Variants in PRKAA1 observed in about 807,000 individuals in gnomAD.
The protein encoded by PRKAA1 is 5'-AMP-activated protein kinase catalytic subunit alpha-1.
PRKAA1 carries 23 observed loss-of-function variants against 56.9 expected under a neutral mutation model. The ratio of observed to expected loss-of-function variants is 0.40; its 90% CI spans 0.29 to 0.57. The LOEUF (loss-of-function observed/expected upper bound fraction) is 0.57, where lower values mean the gene tolerates loss of function less well. PRKAA1 is among the 20% of genes least tolerant of loss of function. The probability of loss-of-function intolerance (pLI) is 0.39; values close to 1 mark genes in which losing one functional copy is unlikely to be tolerated. For synonymous variants in PRKAA1, 226 were observed against 227.0 expected (o/e 1.00, Z 0.04); for missense variants, 413 against 679.7 (o/e 0.61, Z 4.36).
chr5:40,775,009 A>T (rs760534316), intron 3 of PRKAA1: 7 of 1,459,500 alleles, frequency 4.8e-6, no homozygotes, highest in Non-Finnish European at 6.7e-6. Flanking sequence ...AAATGTGGCT[A>T]GAATTGACTA....
chr5:40,769,542 A>G (rs1743623368), intron 4 of PRKAA1, 39 bp from the exon 5 acceptor site: 12 of 1,452,596 alleles, frequency 8.3e-6, no homozygotes, highest in Non-Finnish European at 1.1e-5. Context: ...AAGATTTCCC[A>G]AAGACAAAAA....
rs1409390832 is a variant in PRKAA1 at position 40,759,570 on chromosome 5, T to G, written c.*3208A>C. ...TCAGAACTCACAATGGAAATAAAAT[T>G]TCTATTATGGGTGAGAAGATGAGGG... is the stretch of plus-strand genomic sequence containing the variant. On this transcript the variant is annotated 3_prime_UTR_variant, in exon 9 of 9. Transcript: ENST00000397128. 6.6e-6 allele frequency: 1 copy of G among 152,266 alleles called. No individual in the cohort carries two copies. Among genetic ancestry groups the G allele is most frequent in the African/African-American group, 2.4e-5 (1 of 41,438 alleles). 9.4% of individuals were successfully genotyped at this position (152,266 alleles called of 1,614,324 possible). A position where few individuals can be genotyped will look rare whatever the true frequency, so the allele number is the denominator to read the frequency against.
intron 1 of PRKAA1, among the ~76,000 whole-genome samples, chr5:40,781,591 G>A (rs1010722473): frequency 6.6e-6 from 1 of 152,072 alleles, no homozygotes; most frequent in Non-Finnish European, 1.5e-5. Flanking sequence ...ACTGGAAGAT[G>A]TAAGAAATTA....
intron 1 of PRKAA1, among the ~76,000 whole-genome samples, chr5:40,781,922 A>G (rs1043526445): frequency 3.9e-5 from 6 of 152,178 alleles, no homozygotes; most frequent in African/African-American, 1.4e-4. Flanking sequence ...TACTAATTAG[A>G]TGTGATTAAG....
chr5:40,775,275 G>A (rs1317068232), intron 3 of PRKAA1, 135 bp downstream of exon 3: 2 of 731,816 alleles, frequency 2.7e-6, no homozygotes, highest in Non-Finnish European at 4.7e-6. Flanking sequence ...CATAGTTTAT[G>A]ATTCTAAACA....
In PRKAA1 at chr5:40,760,495, A is replaced by G. The variant is rs1743136944; in HGVS notation, c.*2283T>C. On this transcript the variant is annotated 3_prime_UTR_variant, in exon 9 of 9. Coordinates refer to ENST00000397128, the MANE Select transcript of PRKAA1 (RefSeq NM_006251.6). ...TATACAAATTTGTAACTTTAAAAATACAGTCTTCTGTTAACATCAGGAACA... is the reference window on the plus strand; with the variant it reads ...TATACAAATTTGTAACTTTAAAAATGCAGTCTTCTGTTAACATCAGGAACA... The G allele has an allele frequency of 6.5e-6, 1 of 152,770 alleles. No homozygotes were observed. Among genetic ancestry groups the G allele is most frequent in the Non-Finnish European group, 1.5e-5 (1 of 68,008 alleles). 9.5% of individuals were successfully genotyped at this position (152,770 alleles called of 1,614,324 possible). A position where few individuals can be genotyped will look rare whatever the true frequency, so the allele number is the denominator to read the frequency against.
In PRKAA1 at chr5:40,761,121, T is replaced by C. The variant is rs571778582; in HGVS notation, c.*1657A>G. The C allele has an allele frequency of 6.6e-6, 1 of 152,142 alleles. No homozygotes were observed. Among genetic ancestry groups the C allele is most frequent in the Admixed American group, 6.6e-5 (1 of 15,264 alleles). The allele number at this position is 152,142 out of a possible 1,614,324, so 9.4% of individuals were successfully genotyped here. A position where few individuals can be genotyped will look rare whatever the true frequency, so the allele number is the denominator to read the frequency against. On this transcript the variant is annotated 3_prime_UTR_variant, in exon 9 of 9. Transcript: ENST00000397128. ...CAAATGTGACCACTTATTAATAGAA[T>C]TGATTTGTTCCATATTTTATCAAAA...
At chr5:40,786,920 T>C (rs368024045) in intron 1 of PRKAA1, among the ~76,000 whole-genome samples, 1 of 150,944 alleles carries the variant, frequency 6.6e-6, no homozygotes, top group East Asian at 2.0e-4. Flanking sequence ...ATCTCACCAC[T>C]GCACTCTGGC....
chr5:40,795,024 C>CACACACACACACAT (rs1290522169), intron 1 of PRKAA1, among the ~76,000 whole-genome samples: 1 of 152,000 alleles, frequency 6.6e-6, no homozygotes, highest in African/African-American at 2.4e-5. Flanking sequence ...CACACACACA[C>CACACACACACACAT]ACACACACAC....
intron 5 of PRKAA1, among the ~76,000 whole-genome samples, chr5:40,768,093 C>A (rs555079967): frequency 1.1e-4 from 16 of 152,272 alleles, no homozygotes; most frequent in African/African-American, 3.6e-4. Context: ...ACCCCTTACA[C>A]CAAGGTGAAA....
At chr5:40,774,232 T>C (rs1236442326) in intron 3 of PRKAA1, among the ~76,000 whole-genome samples, 1 of 151,998 alleles carries the variant, frequency 6.6e-6, no homozygotes, top group Non-Finnish European at 1.5e-5. Context: ...GGGCCATGCA[T>C]CAAAGACAAA....
intron 1 of PRKAA1, among the ~76,000 whole-genome samples, chr5:40,794,156 T>A (rs1197719660): frequency 2.0e-5 from 3 of 152,124 alleles, no homozygotes; most frequent in African/African-American, 7.2e-5. Context: ...ATCTATCTAC[T>A]GCTTTTTGAT....
intron 5 of PRKAA1, chr5:40,768,398 T>C (rs1579718246): frequency 4.4e-6 from 4 of 909,368 alleles, no homozygotes; most frequent in Non-Finnish European, 5.3e-6. Flanking sequence ...AGTTATAACA[T>C]TTCTTTTTAT....
rs1744845827 is a variant in PRKAA1, at chr5:40,794,522, TG to T, written c.127+3540del. 1.8e-4 allele frequency among the ~76,000 whole-genome samples: 23 copies of T among 129,260 alleles called. 9 individuals carry two copies. Among genetic ancestry groups the T allele is most frequent in the South Asian group, 1.2e-3 (5 of 4,054 alleles). The allele number at this position is 129,260 out of a possible 152,430, so 84.8% of individuals were successfully genotyped here. A position where few individuals can be genotyped will look rare whatever the true frequency, so the allele number is the denominator to read the frequency against. Reference sequence around the variant, plus strand: ...CCCATCTATTTATCTTTGTTTTTATTGCATTTGCTTTTGGGTTCTTAGTCAT... The same window carrying T: ...CCCATCTATTTATCTTTGTTTTTATTCATTTGCTTTTGGGTTCTTAGTCAT... On this transcript the variant is annotated intron_variant, in intron 1 of 8. Coordinates refer to ENST00000397128, the MANE Select transcript of PRKAA1 (RefSeq NM_006251.6).
At chr5:40,768,594 A>G in intron 5 of PRKAA1, 2 of 1,046,640 alleles carry the variant, frequency 1.9e-6, no homozygotes, top group Non-Finnish European at 2.3e-6. Context: ...TCACAGCCAT[A>G]TTTTTACACA....
intron 2 of PRKAA1, among the ~76,000 whole-genome samples, chr5:40,775,808 AAAG>A (rs1484918813): frequency 6.6e-6 from 1 of 152,202 alleles, no homozygotes; most frequent in African/African-American, 2.4e-5. Flanking sequence ...GCTGAGCCTA[AAAG>A]AAGAATGGGA....
chr5:40,773,674 T>TA (rs1261227451), intron 3 of PRKAA1, among the ~76,000 whole-genome samples: 3 of 151,940 alleles, frequency 2.0e-5, no homozygotes, highest in East Asian at 1.9e-4. Flanking sequence ...TAGAAACCAG[T>TA]AAAAAATAAA....
intron 1 of PRKAA1, among the ~76,000 whole-genome samples, chr5:40,795,238 G>C (rs1744877025): frequency 6.6e-6 from 1 of 152,064 alleles, no homozygotes; most frequent in Admixed American, 6.5e-5. Flanking sequence ...GGACTTGAGG[G>C]GGAAGAGTGG....
intron 2 of PRKAA1, among the ~76,000 whole-genome samples, chr5:40,775,878 C>A (rs1743979787): frequency 6.6e-6 from 1 of 151,900 alleles, no homozygotes; most frequent in South Asian, 2.1e-4. Flanking sequence ...ATAGCAACTG[C>A]AAAGGTCCCC....
Sources: gnomAD v4.1 joint callset for allele counts (sites outside exome capture counted in the v4.1 genomes callset) on GRCh38, gnomAD v4.1.1 for gene constraint, MANE v1.5 for transcripts, NCBI Gene and HGNC (gene_info 2026-07-23, HGNC 2026-07-21) for gene names.